SVOPL: variants seen among roughly 807,000 people sequenced by gnomAD.
SVOPL encodes putative transporter SVOPL.
SVOPL carries 60 observed loss-of-function variants against 61.0 expected under a neutral mutation model. The ratio of observed to expected loss-of-function variants is 0.98; its 90% CI spans 0.80 to 1.22. The LOEUF is 1.22. Among genes scored for constraint, SVOPL ranks in the 50% most tolerant of loss-of-function variants. The probability of loss-of-function intolerance (pLI) is 0.00; values close to 1 mark genes in which losing one functional copy is unlikely to be tolerated. For missense variants in SVOPL, 662 were observed against 643.9 expected (o/e 1.03, Z -0.30); for synonymous variants, 279 against 250.0 (o/e 1.12, Z -1.09).
intron 1 of SVOPL, among the ~76,000 whole-genome samples, chr7:138,687,714 G>A (rs1208558848): frequency 6.6e-6 from 1 of 150,462 alleles, no homozygotes; most frequent in Non-Finnish European, 1.5e-5. Context: ...AAACAGAATG[G>A]GAGAGAGTAT....
At chr7:138,680,351 G>C (rs1210069469) in intron 1 of SVOPL, among the ~76,000 whole-genome samples, 1 of 152,134 alleles carries the variant, frequency 6.6e-6, no homozygotes. Flanking sequence ...GTTTTGCCAT[G>C]TTGGCCAGGC....
At chr7:138,643,422 C>CAAAAAAAAAAAAAAAAAAAAAAAAAA (rs36014220) in intron 9 of SVOPL, among the ~76,000 whole-genome samples, 1 of 67,338 alleles carries the variant, frequency 1.5e-5, no homozygotes, top group Non-Finnish European at 3.0e-5. Context: ...GACTCCATCT[C>CAAAAAAAAAAAAAAAAAAAAAAAAAA]AAAAAAAAAA....
chr7:138,608,456 T>C (rs531665425), intron 14 of SVOPL, among the ~76,000 whole-genome samples: 1 of 152,016 alleles, frequency 6.6e-6, no homozygotes, highest in Admixed American at 6.6e-5. Context: ...GAGTAAAAAA[T>C]GGATTTTCAA....
chr7:138,626,947 C>T (rs1271621787), intron 12 of SVOPL, among the ~76,000 whole-genome samples: 1 of 152,116 alleles, frequency 6.6e-6, no homozygotes, highest in Non-Finnish European at 1.5e-5. Context: ...GCTCAGGCCA[C>T]TCCAGGACTG....
At chr7:138,613,409 C>G (rs1799145374) in intron 14 of SVOPL, among the ~76,000 whole-genome samples, 1 of 152,182 alleles carries the variant, frequency 6.6e-6, no homozygotes, top group South Asian at 2.1e-4. Flanking sequence ...AGGTAAAAAT[C>G]TAAAGTCCTT....
At chr7:138,655,103 T>C (rs1401393546) in intron 7 of SVOPL, among the ~76,000 whole-genome samples, 7 of 151,596 alleles carry the variant, frequency 4.6e-5, no homozygotes, top group Non-Finnish European at 7.4e-5. Context: ...GGTGGGAGGA[T>C]CACTTGAGCC....
chr7:138,634,996 C>T (rs139128933), intron 9 of SVOPL, among the ~76,000 whole-genome samples: 7,554 of 152,098 alleles, frequency 0.05, 460 homozygotes, highest in East Asian at 0.14. Context: ...GGGCCGGGCG[C>T]AGTGGCTCAT....
intron 9 of SVOPL, among the ~76,000 whole-genome samples, chr7:138,643,945 TATA>T (rs1286491408): frequency 3.9e-5 from 6 of 152,022 alleles, no homozygotes; most frequent in African/African-American, 1.4e-4. Flanking sequence ...TAGACACGCC[TATA>T]ATCCCAGCAC....
chr7:138,684,364 CAAA>C (rs34602180), intron 1 of SVOPL, among the ~76,000 whole-genome samples: 3 of 112,522 alleles, frequency 2.7e-5, no homozygotes, highest in Non-Finnish European at 3.9e-5. Context: ...GACTCCATCT[CAAA>C]AAAAAAAAAA....
intron 14 of SVOPL, among the ~76,000 whole-genome samples, chr7:138,611,034 G>C (rs1420309924): frequency 6.6e-6 from 1 of 152,128 alleles, no homozygotes; most frequent in Non-Finnish European, 1.5e-5. Flanking sequence ...ACAAATGGAG[G>C]CTGAGTTCAG....
At chr7:138,639,554 G>A (rs2116971059) in intron 9 of SVOPL, among the ~76,000 whole-genome samples, 1 of 151,970 alleles carries the variant, frequency 6.6e-6, no homozygotes, top group Non-Finnish European at 1.5e-5. Context: ...TTGAACCTGG[G>A]AGGCAGAGGT....
intron 9 of SVOPL, among the ~76,000 whole-genome samples, chr7:138,634,526 T>TA (rs373980196): frequency 7.3e-5 from 11 of 150,828 alleles, no homozygotes; most frequent in African/African-American, 2.7e-4. Flanking sequence ...TGTGCACCTA[T>TA]AGTCCCAGCT....
intron 1 of SVOPL, among the ~76,000 whole-genome samples, chr7:138,700,586 A>G (rs36157040): frequency 0.12 from 17,736 of 151,732 alleles, 1,434 homozygotes; most frequent in African/African-American, 0.22. Flanking sequence ...TGATCCACCC[A>G]CCTCAGCCTC....
chr7:138,622,190 C>CTATG (rs1563096535), intron 13 of SVOPL, among the ~76,000 whole-genome samples: 8 of 73,360 alleles, frequency 1.1e-4, no homozygotes, highest in Admixed American at 3.0e-4. Context: ...ATGTATCTAT[C>CTATG]TATCTATCTA....
chr7:138,689,194 A>T (rs1381006402), intron 1 of SVOPL: 1 of 1,269,524 alleles, frequency 7.9e-7, no homozygotes, highest in Non-Finnish European at 1.1e-6. Context: ...AGGTGTGCCC[A>T]GGCCAAGCAG....
At chr7:138,672,587 G>C (rs1028266138) in intron 3 of SVOPL, among the ~76,000 whole-genome samples, 17 of 147,620 alleles carry the variant, frequency 1.2e-4, no homozygotes, top group African/African-American at 4.3e-4. Flanking sequence ...ATTCATGAAA[G>C]CTGGAAAATA....
chr7:138,594,683 T>G, intron 15 of SVOPL, 62 bp from the exon 16 acceptor site: 1 of 1,209,156 alleles, frequency 8.3e-7, no homozygotes, highest in Non-Finnish European at 1.1e-6. Context: ...CCATTCATAC[T>G]GAGCTATCTG....
chr7:138,609,239 C>G (rs182662729), intron 14 of SVOPL, among the ~76,000 whole-genome samples: 22 of 152,152 alleles, frequency 1.4e-4, no homozygotes, highest in African/African-American at 5.1e-4. Context: ...CTGGGACAAG[C>G]TCGCCCAAGA....
At chr7:138,622,294 C>G (rs1659816) in intron 13 of SVOPL, among the ~76,000 whole-genome samples, 40,602 of 100,404 alleles carry the variant, frequency 0.4, 7,765 homozygotes, top group East Asian at 0.61. Context: ...ATCTATCTAT[C>G]TATCTATCTA....
Sources: gnomAD v4.1 joint callset for allele counts (sites outside exome capture counted in the v4.1 genomes callset) on GRCh38, gnomAD v4.1.1 for gene constraint, MANE v1.5 for transcripts, NCBI Gene and HGNC (gene_info 2026-07-23, HGNC 2026-07-21) for gene names.